The following PRPSAP2 variants were observed in gnomAD, a reference collection of about 807,000 sequenced individuals.
PRPSAP2 encodes the protein phosphoribosyl pyrophosphate synthetase associated protein 2.
PRPSAP2 carries 24 observed loss-of-function variants against 40.6 expected under a neutral mutation model. That is an observed-to-expected ratio of 0.59 (90% CI 0.43 to 0.83). The LOEUF (loss-of-function observed/expected upper bound fraction) is 0.83, where lower values mean the gene tolerates loss of function less well. PRPSAP2 is among the 40% of genes least tolerant of loss of function. The pLI is 0.00. For missense variants in PRPSAP2, 292 were observed against 465.6 expected, an observed-to-expected ratio of 0.63 and a Z score of 3.43; for synonymous variants, 149 against 164.7, an observed-to-expected ratio of 0.90 and a Z score of 0.73.
chr17:18,913,163 C>G (rs1597720503), intron 9 of PRPSAP2, among the ~76,000 whole-genome samples: 1 of 152,218 alleles, frequency 6.6e-6, no homozygotes, highest in East Asian at 1.9e-4. Flanking sequence ...CTAGTGGGGT[C>G]TCTCTGGTGG....
intron 5 of PRPSAP2, among the ~76,000 whole-genome samples, chr17:18,875,602 A>G (rs1365687982): frequency 6.6e-6 from 1 of 150,522 alleles, no homozygotes; most frequent in Non-Finnish European, 1.5e-5. Context: ...GGTGGCTTAC[A>G]CCTATAATCC....
intron 9 of PRPSAP2, among the ~76,000 whole-genome samples, chr17:18,916,186 T>C (rs1287636029): frequency 6.6e-6 from 1 of 151,926 alleles, no homozygotes; most frequent in Non-Finnish European, 1.5e-5. Context: ...TCACCAGAGC[T>C]CCCCTTTACG....
chr17:18,908,489 G>A lies in PRPSAP2; in HGVS notation c.585-2614G>A, dbSNP rs979453084. 2.2e-5 allele frequency: 17 copies of A among 759,844 alleles called. 1 individual carries two copies. Among genetic ancestry groups the A allele is most frequent in the Admixed American group, 8.9e-5 (5 of 56,358 alleles). The allele number at this position is 759,844 out of a possible 1,614,324, so 47.1% of individuals were successfully genotyped here. A position where few individuals can be genotyped will look rare whatever the true frequency, so the allele number is the denominator to read the frequency against. On this transcript the variant is annotated intron_variant, in intron 8 of 11. Transcript: ENST00000268835. ...ATGGAAGGAGTGAGGCACCGGCAAC[G>A]TCAAGCTCCTGAAACACAAGGAGAA...
chr17:18,874,946 A>G (rs2038167898), intron 5 of PRPSAP2, among the ~76,000 whole-genome samples: 1 of 152,156 alleles, frequency 6.6e-6, no homozygotes, highest in South Asian at 2.1e-4. Context: ...TGTGTGGATT[A>G]CCCAAGGGGA....
intron 8 of PRPSAP2, among the ~76,000 whole-genome samples, chr17:18,898,351 A>G (rs942758919): frequency 6.6e-6 from 1 of 152,180 alleles, no homozygotes; most frequent in Non-Finnish European, 1.5e-5. Flanking sequence ...AAATGAAGAA[A>G]AGCTTATTAT....
intron 4 of PRPSAP2, among the ~76,000 whole-genome samples, 172 bp downstream of exon 4, chr17:18,867,506 GC>G (rs2037521488): frequency 6.6e-6 from 1 of 152,210 alleles, no homozygotes; most frequent in African/African-American, 2.4e-5. Flanking sequence ...ACTAATACCA[GC>G]TAGATATCTA....
chr17:18,931,034 TAATAA>T lies in PRPSAP2; in HGVS notation c.*345_*349del. 1 of 173,858 alleles carries T rather than the reference TAATAA, an allele frequency of 5.8e-6. No homozygotes were observed. The highest frequency in any genetic ancestry group is 1.5e-4 in the East Asian group (1 of 6,722). The allele number at this position is 173,858 out of a possible 1,614,324, so 10.8% of individuals were successfully genotyped here. On this transcript the variant is annotated 3_prime_UTR_variant, in exon 12 of 12. Coordinates refer to ENST00000268835, the MANE Select transcript of PRPSAP2 (RefSeq NM_002767.4). The stretch of plus-strand genomic sequence containing the variant: ...TGCTTGAGCCAAGTGCTTAAAAAGT[TAATAA>T]AATAAAATGATCTGTATGATACCTG...
intron 8 of PRPSAP2, among the ~76,000 whole-genome samples, chr17:18,895,531 G>A (rs895340988): frequency 6.6e-6 from 1 of 150,684 alleles, no homozygotes; most frequent in Non-Finnish European, 1.5e-5. Context: ...TTCAGAGATC[G>A]TTTCTGTTGA....
intron 8 of PRPSAP2, among the ~76,000 whole-genome samples, chr17:18,899,165 A>G (rs1384073629): frequency 1.3e-5 from 2 of 152,142 alleles, no homozygotes; most frequent in Admixed American, 6.6e-5. Flanking sequence ...TGGCCTCCCA[A>G]AGTGCTGGGA....
intron 8 of PRPSAP2, chr17:18,908,857 A>G: frequency 1.6e-6 from 1 of 641,702 alleles, no homozygotes; most frequent in Non-Finnish European, 2.8e-6. Context: ...TGCTGAGGAG[A>G]AGCAATAAAT....
At chr17:18,878,327 C>T (rs1368959149) in intron 6 of PRPSAP2, among the ~76,000 whole-genome samples, 1 of 152,178 alleles carries the variant, frequency 6.6e-6, no homozygotes, top group Admixed American at 6.6e-5. Flanking sequence ...AACTCCTGGG[C>T]TCAAGTGATC....
rs2040970541 is a variant in PRPSAP2, at chr17:18,911,733, G to A, written c.733+482G>A. 6.6e-6 allele frequency among the ~76,000 whole-genome samples: 1 copy of A among 152,108 alleles called. No individual in the cohort carries two copies. Among genetic ancestry groups the A allele is most frequent in the Non-Finnish European group, 1.5e-5 (1 of 68,028 alleles). On this transcript the variant is annotated intron_variant, in intron 9 of 11. Transcript: ENST00000268835. This position sits in a 1 kb window ranked among gnomAD's most constrained non-coding sequence, Gnocchi z 4.5. ...CTATCTGGAAACGAGAAAAATATAT[G>A]GAATATATATGAACAAGGCAGAATA... is the stretch of plus-strand genomic sequence containing the variant.
At chr17:18,861,040 A>G (rs1327564431) in intron 1 of PRPSAP2, among the ~76,000 whole-genome samples, 6 of 152,220 alleles carry the variant, frequency 3.9e-5, no homozygotes, top group Non-Finnish European at 7.3e-5. Flanking sequence ...ACCTTGTGCT[A>G]ACAAGCCTCC....
chr17:18,908,158 C>G, intron 8 of PRPSAP2: 1 of 571,956 alleles, frequency 1.7e-6, no homozygotes, highest in Non-Finnish European at 3.1e-6. Context: ...GACTCCATCT[C>G]AACAACAAAA....
chr17:18,881,915 A>G (rs562802071), intron 6 of PRPSAP2, among the ~76,000 whole-genome samples: 189 of 146,390 alleles, frequency 1.3e-3, no homozygotes, highest in Middle Eastern at 0.011. Context: ...ATCTTGGCTC[A>G]CTGCAACCTC....
At chr17:18,872,026 T>C (rs2037921924) in intron 4 of PRPSAP2, among the ~76,000 whole-genome samples, 1 of 152,054 alleles carries the variant, frequency 6.6e-6, no homozygotes, top group African/African-American at 2.4e-5. Flanking sequence ...ATCCCAGTAC[T>C]TTGGGAGGCT....
At chr17:18,922,478 G>A (rs1000386002) in intron 9 of PRPSAP2, among the ~76,000 whole-genome samples, 1 of 151,906 alleles carries the variant, frequency 6.6e-6, no homozygotes, top group Non-Finnish European at 1.5e-5. Flanking sequence ...CAGCCCAGTG[G>A]GCATAAAGTG....
chr17:18,862,327 G>A (rs2037085004), intron 1 of PRPSAP2, among the ~76,000 whole-genome samples: 1 of 152,078 alleles, frequency 6.6e-6, no homozygotes, highest in Admixed American at 6.6e-5. Context: ...GATTTAGGAG[G>A]GATGGGCTGA....
chr17:18,912,927 T>G (rs1292232324), intron 9 of PRPSAP2, among the ~76,000 whole-genome samples: 3 of 152,144 alleles, frequency 2.0e-5, no homozygotes, highest in African/African-American at 7.2e-5. Flanking sequence ...ATCTTAAGGC[T>G]TAAGTTGACT....
Sources: gnomAD v4.1 joint callset for allele counts (sites outside exome capture counted in the v4.1 genomes callset) on GRCh38, gnomAD v4.1.1 for gene constraint, Gnocchi (gnomAD v3.1) non-coding constraint, MANE v1.5 for transcripts, NCBI Gene and HGNC (gene_info 2026-07-23, HGNC 2026-07-21) for gene names.